SULF2: variants seen among roughly 807,000 people sequenced by gnomAD.
SULF2 encodes sulfatase 2, also known as extracellular sulfatase Sulf-2.
A neutral mutation model predicts 107.7 loss-of-function variants in SULF2; 52 were observed. That is an observed-to-expected ratio of 0.48 (90% CI 0.39 to 0.61). The LOEUF (loss-of-function observed/expected upper bound fraction) is 0.61, where lower values mean the gene tolerates loss of function less well. Ranked by LOEUF, SULF2 falls within the 20% of genes least tolerant of loss-of-function variation. The pLI is 0.00. For missense variants in SULF2, 993 were observed against 1,177.3 expected (o/e 0.84, Z 2.29); for synonymous variants, 460 against 464.3 (o/e 0.99, Z 0.12).
Position 47,659,747 on chromosome 20 carries a change from T to C in SULF2, c.2495-17A>G. ...CTTTAAGTCCTAAATGAAGGAGAAA[T>C]GAAAAACAAAACAGGAGCAGATAGT... is the stretch of plus-strand genomic sequence containing the variant. On this transcript the variant is annotated splice_polypyrimidine_tract_variant and intron_variant, in intron 18 of 20. Transcript: ENST00000688720. 6.2e-7 allele frequency: 1 copy of C among 1,610,216 alleles called. No homozygotes were observed. Among genetic ancestry groups the C allele is most frequent in the Non-Finnish European group, 8.5e-7 (1 of 1,177,402 alleles).
intron 2 of SULF2, among the ~76,000 whole-genome samples, chr20:47,746,206 G>C (rs1180868734): frequency 1.3e-5 from 2 of 152,260 alleles, no homozygotes; most frequent in African/African-American, 2.4e-5. Flanking sequence ...GAAGGGAGCA[G>C]CTAAATAAAT....
chr20:47,720,347 C>T (rs116873066), intron 3 of SULF2, among the ~76,000 whole-genome samples: 3 of 152,080 alleles, frequency 2.0e-5, no homozygotes, highest in African/African-American at 7.2e-5. Context: ...ACCACTGCCT[C>T]CTGGTTCAAG....
intron 2 of SULF2, among the ~76,000 whole-genome samples, chr20:47,747,016 T>TAC (rs1487483656): frequency 1.6e-3 from 123 of 79,032 alleles, no homozygotes; most frequent in African/African-American, 4.4e-3. Flanking sequence ...TATATATATA[T>TAC]ATACACACAC....
intron 2 of SULF2, among the ~76,000 whole-genome samples, chr20:47,753,729 A>C (rs2090214296): frequency 6.6e-6 from 1 of 152,268 alleles, no homozygotes; most frequent in African/African-American, 2.4e-5. Context: ...GCTCCAGGCC[A>C]GAACCATGTC....
intron 14 of SULF2, among the ~76,000 whole-genome samples, chr20:47,664,565 T>C (rs1007347684): frequency 2.6e-5 from 4 of 152,202 alleles, no homozygotes; most frequent in Non-Finnish European, 5.9e-5. Flanking sequence ...GTTGGTTCCC[T>C]CACCACCCTG....
At chr20:47,663,254 G>C in intron 16 of SULF2, 42 bp from the exon 17 acceptor site, 2 of 1,611,156 alleles carry the variant, frequency 1.2e-6, no homozygotes, top group South Asian at 1.1e-5. Flanking sequence ...CCTGCGGGAG[G>C]AGGCCCCATC....
intron 3 of SULF2, among the ~76,000 whole-genome samples, chr20:47,723,403 G>C (rs1319783775): frequency 6.6e-6 from 1 of 152,176 alleles, no homozygotes; most frequent in East Asian, 1.9e-4. Flanking sequence ...AGAATGGATG[G>C]AGGAAGTTCT....
At chr20:47,767,237 G>A (rs771362622) in intron 1 of SULF2, among the ~76,000 whole-genome samples, 5 of 152,210 alleles carry the variant, frequency 3.3e-5, no homozygotes, top group South Asian at 2.1e-4. Flanking sequence ...TAACATGCAC[G>A]GAGACTTTCA....
At chr20:47,713,059 A>T (rs891103695) in intron 3 of SULF2, among the ~76,000 whole-genome samples, 6 of 151,838 alleles carry the variant, frequency 4.0e-5, no homozygotes, top group African/African-American at 1.5e-4. Flanking sequence ...GGGTGGGGGG[A>T]GAAAAAGAAA....
intron 1 of SULF2, among the ~76,000 whole-genome samples, chr20:47,770,227 C>T (rs2090605124): frequency 6.6e-6 from 1 of 151,698 alleles, no homozygotes; most frequent in African/African-American, 2.4e-5. Context: ...TGCCCGATTA[C>T]TTTTTAAATT....
chr20:47,662,974 G>A, intron 17 of SULF2, 96 bp downstream of exon 17: 1 of 1,427,962 alleles, frequency 7.0e-7, no homozygotes, highest in Admixed American at 1.8e-5. Flanking sequence ...GTGGGACTTG[G>A]ACAATTTGTC....
Position 47,737,570 on chromosome 20 carries a change from G to A in SULF2, c.176-628C>T, listed in dbSNP as rs117086498. On this transcript the variant is annotated intron_variant, in intron 2 of 20. Transcript: ENST00000688720. ...GCCTCTTGTCCACACTTTTCTTCGA[G>A]CCTGGAACCCACCACCCCTCACCCC... Among the ~76,000 whole-genome samples, 568 of 151,788 alleles carry A rather than the reference G, an allele frequency of 3.7e-3. 4 individuals carry two copies. Among genetic ancestry groups the A allele is most frequent in the Non-Finnish European group, 6.4e-3 (435 of 67,940 alleles).
chr20:47,741,213 G>A (rs2146812133), intron 2 of SULF2, among the ~76,000 whole-genome samples: 1 of 152,226 alleles, frequency 6.6e-6, no homozygotes, highest in Admixed American at 6.5e-5. Context: ...GCCATCCACA[G>A]AGTGTGGTGG....
chr20:47,776,376 C>T (rs559920813), intron 1 of SULF2, among the ~76,000 whole-genome samples: 2 of 152,328 alleles, frequency 1.3e-5, no homozygotes, highest in East Asian at 1.9e-4. Context: ...TTCGTTGTGT[C>T]TCTTTCCTCC....
intron 16 of SULF2, 56 bp from the exon 17 acceptor site, chr20:47,663,268 C>T: frequency 3.7e-6 from 6 of 1,607,970 alleles, no homozygotes; most frequent in Non-Finnish European, 5.1e-6. Context: ...CCCCATCTGC[C>T]AACAGTGATT....
intron 3 of SULF2, among the ~76,000 whole-genome samples, chr20:47,711,114 C>T (rs528314375): frequency 6.6e-6 from 1 of 152,314 alleles, no homozygotes; most frequent in East Asian, 1.9e-4. Context: ...CTCCTGCAAC[C>T]AGAAACCACT....
intron 11 of SULF2, 60 bp downstream of exon 11, chr20:47,672,138 G>A: frequency 2.0e-6 from 3 of 1,526,244 alleles, no homozygotes; most frequent in Non-Finnish European, 2.7e-6. Flanking sequence ...GTGAATGAAT[G>A]GGGCCCCCCA....
chr20:47,731,699 T>C (rs1182425146), intron 3 of SULF2, among the ~76,000 whole-genome samples: 1 of 152,136 alleles, frequency 6.6e-6, no homozygotes, highest in Non-Finnish European at 1.5e-5. Context: ...CAGAGTAAAA[T>C]TGCTGAGTAG....
At chr20:47,765,077 C>T (rs6066459) in intron 1 of SULF2, among the ~76,000 whole-genome samples, 31,878 of 152,046 alleles carry the variant, frequency 0.21, 4,216 homozygotes, top group East Asian at 0.68. Flanking sequence ...GAGGGCTGGG[C>T]GCGGCAGCTC....
Sources: allele counts gnomAD v4.1 joint callset (sites outside exome capture counted in the v4.1 genomes callset), GRCh38; gene constraint gnomAD v4.1.1; transcripts MANE v1.5; gene names NCBI Gene and HGNC (gene_info 2026-07-23, HGNC 2026-07-21).